WWOX: variants seen among roughly 807,000 people sequenced by gnomAD.
The protein encoded by WWOX is WW domain containing oxidoreductase.
In WWOX, 69 loss-of-function variants were observed where a neutral mutation model predicts 46.2. The observed-to-expected ratio is 1.49, with a 90% CI of 1.23 to 1.82. WWOX has a LOEUF of 1.82. WWOX is among the 40% of genes most tolerant of loss of function. The pLI, the probability that WWOX is intolerant of heterozygous loss-of-function variation, is 0.00. For synonymous variants in WWOX, 359 were observed against 202.6 expected (o/e 1.77, Z -6.56); for missense variants, 919 against 542.6 (o/e 1.69, Z -6.89).
At chr16:78,329,733 G>GT (rs1466234912) in intron 5 of WWOX, among the ~76,000 whole-genome samples, 7 of 151,700 alleles carry the variant, frequency 4.6e-5, no homozygotes, top group African/African-American at 1.2e-4. Context: ...ATGTTTGATG[G>GT]TTTTTTCTTT....
intron 8 of WWOX, among the ~76,000 whole-genome samples, chr16:78,578,844 C>T (rs998752501): frequency 1.3e-5 from 2 of 152,168 alleles, no homozygotes; most frequent in Non-Finnish European, 2.9e-5. Flanking sequence ...TTACATGCTA[C>T]AGAACATCTG....
chr16:78,709,294 CAAGATTAACTCATTTAACTTACGT>C (rs2048388920), intron 8 of WWOX, among the ~76,000 whole-genome samples: 1 of 152,166 alleles, frequency 6.6e-6, no homozygotes, highest in Non-Finnish European at 1.5e-5. Flanking sequence ...ATCTGGAAAA[CAAGATTAACTCATTTAACTTACGT>C]AGTGATCACA....
At chr16:79,073,835 C>T (rs926512238) in intron 8 of WWOX, among the ~76,000 whole-genome samples, 7 of 152,128 alleles carry the variant, frequency 4.6e-5, no homozygotes, top group African/African-American at 1.7e-4. Flanking sequence ...AAGTTCGTAA[C>T]TATTTGTCAA....
intron 8 of WWOX, among the ~76,000 whole-genome samples, chr16:78,782,600 C>T (rs2050357388): frequency 6.6e-6 from 1 of 151,992 alleles, no homozygotes; most frequent in Non-Finnish European, 1.5e-5. Flanking sequence ...CATCTTTATT[C>T]TCCTCCCAAA....
intron 8 of WWOX, chr16:78,535,394 C>G (rs1223826046): frequency 1.3e-5 from 2 of 152,176 alleles, no homozygotes; most frequent in Non-Finnish European, 2.9e-5. Flanking sequence ...CAACTACTGA[C>G]TTTTATTGTG....
At chr16:78,341,673 G>A (rs1314492404) in intron 5 of WWOX, among the ~76,000 whole-genome samples, 6 of 119,938 alleles carry the variant, frequency 5.0e-5, no homozygotes, top group African/African-American at 1.7e-4. Flanking sequence ...CCTGGGAAAG[G>A]TGAGCAAGAG....
intron 8 of WWOX, among the ~76,000 whole-genome samples, chr16:78,710,195 C>A (rs753855006): frequency 6.6e-6 from 1 of 151,906 alleles, no homozygotes; most frequent in African/African-American, 2.4e-5. Context: ...TTTCCCCGTT[C>A]AAATCACCCA....
chr16:79,002,269 G>A (rs1204989599), intron 8 of WWOX, among the ~76,000 whole-genome samples: 1 of 121,438 alleles, frequency 8.2e-6, no homozygotes, highest in Admixed American at 1.1e-4. Context: ...TCTTGCCCAG[G>A]CTGGAGTGCA....
Position 78,144,474 on chromosome 16 carries a change from T to TATATATACAC in WWOX, c.410-19702_410-19701insCACATATATA, listed in dbSNP as rs1287444006. Among the ~76,000 whole-genome samples the TATATATACAC allele has an allele frequency of 1.5e-4, 5 of 34,474 alleles. 1 individual carries two copies. Among genetic ancestry groups the TATATATACAC allele is most frequent in the African/African-American group, 6.8e-4 (5 of 7,394 alleles). The allele number at this position is 34,474 out of a possible 152,430, so 22.6% of individuals were successfully genotyped here. On this transcript the variant is annotated intron_variant, in intron 4 of 8. Coordinates refer to ENST00000566780, the MANE Select transcript of WWOX (RefSeq NM_016373.4). ...ACATATATATATATACACACATATATATATATATATATACACACACACACA... is the reference window on the plus strand; with the variant it reads ...ACATATATATATATACACACATATATATATATACACATATATATATATACACACACACACA...
At chr16:78,292,716 T>G (rs755449567) in intron 5 of WWOX, among the ~76,000 whole-genome samples, 38 of 152,302 alleles carry the variant, frequency 2.5e-4, no homozygotes, top group Non-Finnish European at 3.4e-4. Flanking sequence ...GGAAATTCCA[T>G]TAAGTTTAAA....
intron 8 of WWOX, among the ~76,000 whole-genome samples, chr16:79,057,463 A>C (rs9939158): frequency 6.6e-6 from 1 of 151,792 alleles, no homozygotes; most frequent in Non-Finnish European, 1.5e-5. Flanking sequence ...GCTCCTTCTC[A>C]TTAGAGTCTT....
intron 8 of WWOX, among the ~76,000 whole-genome samples, chr16:79,019,187 A>AAAAAGAAAAAG (rs59620815): frequency 1.3e-3 from 103 of 81,814 alleles, no homozygotes; most frequent in African/African-American, 5.0e-3. Context: ...AAAAAAAAAG[A>AAAAAGAAAAAG]AAAAAAAAAG....
chr16:78,197,846 C>G (rs959312941), intron 5 of WWOX, among the ~76,000 whole-genome samples: 4 of 152,156 alleles, frequency 2.6e-5, no homozygotes, highest in Non-Finnish European at 4.4e-5. Context: ...TTGGCAGAAG[C>G]AGAATTTGAA....
chr16:78,832,553 C>T (rs2051860684), intron 8 of WWOX, among the ~76,000 whole-genome samples: 1 of 152,182 alleles, frequency 6.6e-6, no homozygotes, highest in Non-Finnish European at 1.5e-5. Flanking sequence ...CCCTGACTCT[C>T]CTAACACCTG....
intron 3 of WWOX, among the ~76,000 whole-genome samples, chr16:78,111,618 C>T (rs2032495773): frequency 6.6e-6 from 1 of 152,172 alleles, no homozygotes; most frequent in South Asian, 2.1e-4. Context: ...CCACCAGCTT[C>T]TTGTGGAAGG....
intron 8 of WWOX, among the ~76,000 whole-genome samples, chr16:78,988,344 CA>C (rs147619647): frequency 0.64 from 85,817 of 133,068 alleles, 27,545 homozygotes; most frequent in Non-Finnish European, 0.73. Flanking sequence ...AACTCTGTCT[CA>C]AAAAAAATAA....
At chr16:79,031,861 TAG>T (rs1298265955) in intron 8 of WWOX, among the ~76,000 whole-genome samples, 1 of 142,140 alleles carries the variant, frequency 7.0e-6, no homozygotes, top group Non-Finnish European at 1.5e-5. Context: ...ATTATATATA[TAG>T]ATAGATATCT....
intron 5 of WWOX, among the ~76,000 whole-genome samples, chr16:78,314,693 T>TG (rs1424544085): frequency 1.8e-4 from 14 of 79,110 alleles, no homozygotes; most frequent in South Asian, 1.0e-3. Flanking sequence ...CAGGGGTTTT[T>TG]TTTTTTTGTT....
At position 78,303,066 on chromosome 16, in the gene WWOX, A is replaced by G. The variant is rs78100123; in HGVS notation, c.517-83794A>G. Among the ~76,000 whole-genome samples, 42 of 152,316 alleles carry G rather than the reference A, an allele frequency of 2.8e-4. No homozygotes were observed. The East Asian group carries it at 7.9e-3, about 29-fold the overall frequency. ...TATTGGAACAGCTGGTTTTCCCTTTAAAACAGGGAGTCCAGCAGCTTCTAG... is the reference window on the plus strand; with the variant it reads ...TATTGGAACAGCTGGTTTTCCCTTTGAAACAGGGAGTCCAGCAGCTTCTAG... On this transcript the variant is annotated intron_variant, in intron 5 of 8. Coordinates refer to ENST00000566780, the MANE Select transcript of WWOX (RefSeq NM_016373.4).
Sources: gnomAD v4.1 joint callset for allele counts (sites outside exome capture counted in the v4.1 genomes callset) on GRCh38, gnomAD v4.1.1 for gene constraint, MANE v1.5 for transcripts, NCBI Gene and HGNC (gene_info 2026-07-23, HGNC 2026-07-21) for gene names.